Variants in RIMS1 observed in about 807,000 individuals in gnomAD.
RIMS1 encodes the protein regulating synaptic membrane exocytosis 1, also known as regulating synaptic membrane exocytosis protein 1.
A neutral mutation model predicts 214.1 loss-of-function variants in RIMS1; 83 were observed. That is an observed-to-expected ratio of 0.39 (90% CI 0.32 to 0.47). The LOEUF is 0.47. RIMS1 is among the 20% of genes least tolerant of loss of function. The pLI is 0.99. For synonymous variants in RIMS1, 793 were observed against 786.8 expected, an observed-to-expected ratio of 1.01 and a Z score of -0.13; for missense variants, 2,050 against 2,161.8, an observed-to-expected ratio of 0.95 and a Z score of 1.03.
In RIMS1 at chr6:72,182,789, G is replaced by GGCGCCAA; in HGVS notation, c.1321_1327dup (p.Gln443ArgfsTer94). 6.5e-7 allele frequency: 1 copy of GGCGCCAA among 1,546,456 alleles called. No homozygotes were observed. The highest frequency in any genetic ancestry group is 8.7e-7 in the Non-Finnish European group (1 of 1,149,998). On this transcript the variant is annotated frameshift_variant, in exon 6 of 34. Transcript: ENST00000521978. LOFTEE classifies it high-confidence loss of function. ...GAGAACTGCGGAGACCAGGGCGCCG[G>GGCGCCAA]GCGCCAAGCAGCTAACGAACCACAG...
At position 71,969,115 on chromosome 6, in the gene RIMS1, C is replaced by T. The variant is rs1795184237; in HGVS notation, c.245+52C>T. 4 of 1,532,468 alleles carry T rather than the reference C, an allele frequency of 2.6e-6. No individual in the cohort carries two copies. In the Admixed American group the frequency reaches 5.0e-5, roughly 19 times the overall value. The allele number at this position is 1,532,468 out of a possible 1,614,324, so 94.9% of individuals were successfully genotyped here. ...TGAAAATGTCGTCTCTTACACAGATCATGGTTACAGATTTATTCACATTGC... is the reference window on the plus strand; with the variant it reads ...TGAAAATGTCGTCTCTTACACAGATTATGGTTACAGATTTATTCACATTGC... On this transcript the variant is annotated intron_variant, in intron 2 of 33. Coordinates refer to ENST00000521978, the MANE Select transcript of RIMS1 (RefSeq NM_014989.7).
At position 72,335,019 on chromosome 6, in the gene RIMS1, A is replaced by G. The variant is rs2154344309; in HGVS notation, c.4366+1184A>G. Among the ~76,000 whole-genome samples, 3 of 151,960 alleles carry G rather than the reference A, an allele frequency of 2.0e-5. No individual in the cohort carries two copies. In the Middle Eastern group the frequency reaches 0.01, roughly 517 times the overall value. ...TTCATTTGTGTTGTTTCTTTTGTTT[A>G]AATTTTTTATGGTGGTGCTTCCTGG... On this transcript the variant is annotated intron_variant, in intron 29 of 33. Coordinates refer to ENST00000521978, the MANE Select transcript of RIMS1 (RefSeq NM_014989.7).
intron 2 of RIMS1, among the ~76,000 whole-genome samples, chr6:72,080,691 T>G (rs1008413868): frequency 6.6e-6 from 1 of 152,204 alleles, no homozygotes; most frequent in African/African-American, 2.4e-5. Context: ...CCAGCCACTT[T>G]GCCTCAGCCT....
At chr6:71,984,948 A>AGAAG (rs1799517541) in intron 2 of RIMS1, among the ~76,000 whole-genome samples, 1 of 152,114 alleles carries the variant, frequency 6.6e-6, no homozygotes, top group Non-Finnish European at 1.5e-5. Context: ...CCTCCTTCAC[A>AGAAG]CAAGCACTTT....
At chr6:71,939,649 A>G (rs1785446836) in intron 1 of RIMS1, among the ~76,000 whole-genome samples, 1 of 152,214 alleles carries the variant, frequency 6.6e-6, no homozygotes, top group Non-Finnish European at 1.5e-5. Context: ...AACAAATGGT[A>G]GAGAAAGTGA....
intron 2 of RIMS1, among the ~76,000 whole-genome samples, chr6:72,009,546 T>G (rs1450331419): frequency 6.6e-6 from 1 of 151,976 alleles, no homozygotes; most frequent in Non-Finnish European, 1.5e-5. Context: ...GCTGGTTTTT[T>G]GAAAAGATCA....
intron 4 of RIMS1, among the ~76,000 whole-genome samples, chr6:72,145,638 T>G (rs2042647063): frequency 6.6e-6 from 1 of 152,030 alleles, no homozygotes; most frequent in African/African-American, 2.4e-5. Context: ...GAAAGTTACA[T>G]TCTTTACTGA....
rs376773192 is a variant in RIMS1 at position 72,216,042 on chromosome 6, C to G, written c.1679-17731C>G. 2.4e-4 allele frequency among the ~76,000 whole-genome samples: 36 copies of G among 152,276 alleles called. 1 individual carries two copies. In the South Asian group the frequency reaches 3.3e-3, roughly 14 times the overall value. ...GAAGCAGTCCACCTTGATTTTTCAG[C>G]AAATAATCCCTAGATGATTAGAGAA... On this transcript the variant is annotated intron_variant, in intron 6 of 33. Transcript: ENST00000521978.
chr6:71,958,604 A>T lies in RIMS1; in HGVS notation c.165-10379A>T, dbSNP rs561363207. Among the ~76,000 whole-genome samples the T allele has an allele frequency of 2.8e-4, 43 of 152,276 alleles. No individual in the cohort carries two copies. In the South Asian group the frequency reaches 5.6e-3, roughly 20 times the overall value. ...GACAAAATGATGTTCTAAAACTGTG[A>T]TGTAGATTTACCTGACTTAGGAAAT... On this transcript the variant is annotated intron_variant, in intron 1 of 33. Coordinates refer to ENST00000521978, the MANE Select transcript of RIMS1 (RefSeq NM_014989.7).
At chr6:72,093,817 A>T (rs1461052441) in intron 2 of RIMS1, among the ~76,000 whole-genome samples, 1 of 152,000 alleles carries the variant, frequency 6.6e-6, no homozygotes, top group Non-Finnish European at 1.5e-5. Context: ...CTCTATTTCA[A>T]TTATTTTTGG....
chr6:72,215,417 GGTGT>G (rs2055450243), intron 6 of RIMS1, among the ~76,000 whole-genome samples: 1 of 152,118 alleles, frequency 6.6e-6, no homozygotes, highest in Non-Finnish European at 1.5e-5. Flanking sequence ...TAACTACTAT[GGTGT>G]AGTGAAAAGC....
At chr6:72,012,185 A>G (rs1810918749) in intron 2 of RIMS1, among the ~76,000 whole-genome samples, 1 of 152,198 alleles carries the variant, frequency 6.6e-6, no homozygotes. Flanking sequence ...TTGTACGGAC[A>G]TGGAGGAAGC....
chr6:71,946,280 AT>A (rs1787783029), intron 1 of RIMS1, among the ~76,000 whole-genome samples: 1 of 152,194 alleles, frequency 6.6e-6, no homozygotes, highest in African/African-American at 2.4e-5. Flanking sequence ...GAAAAATACA[AT>A]TCTAAAATCC....
At chr6:72,345,027 G>A (rs1331612155) in intron 29 of RIMS1, among the ~76,000 whole-genome samples, 1 of 151,708 alleles carries the variant, frequency 6.6e-6, no homozygotes, top group Admixed American at 6.6e-5. Context: ...AATTACACAT[G>A]TTGATATTTT....
intron 3 of RIMS1, among the ~76,000 whole-genome samples, chr6:72,098,864 C>T (rs2032759384): frequency 6.6e-6 from 1 of 152,130 alleles, no homozygotes; most frequent in Non-Finnish European, 1.5e-5. Context: ...CATATGCCAC[C>T]TTATAGGCTT....
At chr6:72,075,322 G>T (rs1219830983) in intron 2 of RIMS1, among the ~76,000 whole-genome samples, 2 of 152,044 alleles carry the variant, frequency 1.3e-5, no homozygotes, top group Admixed American at 1.3e-4. Flanking sequence ...TTTCCAGGCT[G>T]GTTTTGAACT....
chr6:71,901,555 C>A (rs1457891142), intron 1 of RIMS1, among the ~76,000 whole-genome samples: 1 of 151,992 alleles, frequency 6.6e-6, no homozygotes, highest in Non-Finnish European at 1.5e-5. Context: ...TATGAAGCTC[C>A]AAAATAGGGA....
At chr6:71,984,516 C>T (rs886421050) in intron 2 of RIMS1, among the ~76,000 whole-genome samples, 1 of 152,222 alleles carries the variant, frequency 6.6e-6, no homozygotes, top group South Asian at 2.1e-4. Context: ...GCCCTCAACA[C>T]GTTAAACCTT....
At chr6:72,257,288 C>T (rs574104474) in intron 16 of RIMS1, among the ~76,000 whole-genome samples, 1 of 151,432 alleles carries the variant, frequency 6.6e-6, no homozygotes, top group African/African-American at 2.4e-5. Context: ...AAACTCTAAA[C>T]TCTTCTTTTG....
Sources: gnomAD v4.1 joint callset for allele counts (sites outside exome capture counted in the v4.1 genomes callset) on GRCh38, gnomAD v4.1.1 for gene constraint, MANE v1.5 for transcripts, NCBI Gene and HGNC (gene_info 2026-07-23, HGNC 2026-07-21) for gene names.